The following LINGO2 variants were observed in gnomAD, a reference collection of about 807,000 sequenced individuals.
The protein encoded by LINGO2 is leucine-rich repeat and immunoglobulin-like domain-containing nogo receptor-interacting protein 2.
In LINGO2, 14 loss-of-function variants were observed where a neutral mutation model predicts 30.6. The ratio of observed to expected loss-of-function variants is 0.46; its 90% confidence interval spans 0.30 to 0.72. LINGO2 has a LOEUF of 0.72. LINGO2 is among the 30% of genes least tolerant of loss of function. LINGO2 has a pLI of 0.07. For synonymous variants in LINGO2, 317 were observed against 288.5 expected (o/e 1.10, Z -1.00); for missense variants, 729 against 751.7 (o/e 0.97, Z 0.35).
chr9:28,642,026 G>A lies in LINGO2; in HGVS notation c.-365+28174C>T, dbSNP rs577562332. On this transcript the variant is annotated intron_variant, in intron 1 of 5. Coordinates refer to ENST00000379992, the Ensembl canonical transcript of LINGO2. ...TTATAATACTCTGTTTTTTTTTTTA[G>A]CTAGCTAAAGCATTTCCTTACATTT... is the stretch of plus-strand genomic sequence containing the variant. 8.1e-4 allele frequency among the ~76,000 whole-genome samples: 118 copies of A among 145,596 alleles called. 1 individual carries two copies. Among genetic ancestry groups the A allele is most frequent in the Non-Finnish European group, 1.5e-3 (101 of 66,474 alleles).
At chr9:28,632,969 A>T (rs1827072371) in intron 1 of LINGO2, among the ~76,000 whole-genome samples, 1 of 148,954 alleles carries the variant, frequency 6.7e-6, no homozygotes, top group African/African-American at 2.5e-5. Flanking sequence ...GGTTGTCTGC[A>T]AGCTGAGGAA....
chr9:28,379,445 C>T (rs1821256056), intron 2 of LINGO2, among the ~76,000 whole-genome samples: 1 of 152,076 alleles, frequency 6.6e-6, no homozygotes, highest in Non-Finnish European at 1.5e-5. Flanking sequence ...AGGATTTAGT[C>T]TATACTCTGC....
chr9:28,519,489 G>A (rs1022491487), intron 1 of LINGO2, among the ~76,000 whole-genome samples: 2 of 152,104 alleles, frequency 1.3e-5, no homozygotes, highest in Non-Finnish European at 2.9e-5. Flanking sequence ...AGATGTTAAA[G>A]CATATATAGA....
the LINGO2 span, among the ~76,000 whole-genome samples, chr9:29,132,308 A>G: frequency 2.0e-5 from 3 of 152,122 alleles, no homozygotes; most frequent in Non-Finnish European, 2.9e-5. Context: ...GGAAAACTCC[A>G]ACTTTCCACG....
At chr9:28,479,850 T>C (rs902486895) in intron 1 of LINGO2, among the ~76,000 whole-genome samples, 92 of 50,568 alleles carry the variant, frequency 1.8e-3, no homozygotes, top group East Asian at 5.1e-3. Flanking sequence ...GTCATCTGTG[T>C]GTGTGTGTGT....
intron 4 of LINGO2, among the ~76,000 whole-genome samples, chr9:28,037,104 A>C (rs1405537164): frequency 6.6e-6 from 1 of 152,232 alleles, no homozygotes; most frequent in Non-Finnish European, 1.5e-5. Context: ...GAGTTCAAGC[A>C]GTCAATTCAA....
intron 4 of LINGO2, among the ~76,000 whole-genome samples, chr9:28,082,744 C>T (rs904238091): frequency 3.9e-5 from 6 of 152,078 alleles, no homozygotes; most frequent in African/African-American, 9.7e-5. Flanking sequence ...TCTCACTGTC[C>T]TTCCCTCTCT....
the LINGO2 span, among the ~76,000 whole-genome samples, chr9:29,174,771 T>G: frequency 6.8e-4 from 103 of 152,320 alleles, no homozygotes; most frequent in African/African-American, 2.3e-3. Context: ...TAAATACATG[T>G]CAGGATGTAA....
chr9:28,790,311 C>A, the LINGO2 span, among the ~76,000 whole-genome samples: 3 of 135,594 alleles, frequency 2.2e-5, no homozygotes, highest in African/African-American at 8.7e-5. Context: ...CTTTACCCAT[C>A]TTTTCTTTTC....
chr9:28,884,608 G>A, the LINGO2 span, among the ~76,000 whole-genome samples: 1 of 150,666 alleles, frequency 6.6e-6, no homozygotes, highest in Admixed American at 6.7e-5. Flanking sequence ...ATTGTAAGTT[G>A]ACTGTGTTTA....
chr9:28,211,489 C>T (rs117828793), intron 4 of LINGO2, among the ~76,000 whole-genome samples: 3,180 of 151,406 alleles, frequency 0.021, 53 homozygotes, highest in Non-Finnish European at 0.033. Flanking sequence ...CTCTTGTGAT[C>T]AGGCCTTTTT....
intron 4 of LINGO2, among the ~76,000 whole-genome samples, chr9:28,222,333 T>C (rs929053321): frequency 2.0e-5 from 3 of 152,198 alleles, no homozygotes; most frequent in African/African-American, 7.2e-5. Flanking sequence ...TCAGGTATTA[T>C]ATGACATTGT....
chr9:28,249,756 C>T (rs1169965455), intron 4 of LINGO2, among the ~76,000 whole-genome samples: 11 of 152,114 alleles, frequency 7.2e-5, no homozygotes. Flanking sequence ...AATGAGTTAT[C>T]ATTCTTTTAG....
chr9:28,491,593 T>C (rs903695415), intron 1 of LINGO2, among the ~76,000 whole-genome samples: 2 of 152,226 alleles, frequency 1.3e-5, no homozygotes, highest in African/African-American at 4.8e-5. Flanking sequence ...TTAACTATGT[T>C]TTTGTATTAA....
the LINGO2 span, among the ~76,000 whole-genome samples, chr9:29,205,897 C>T: frequency 6.6e-6 from 1 of 152,188 alleles, no homozygotes; most frequent in Non-Finnish European, 1.5e-5. Flanking sequence ...TCACCAACCC[C>T]ACTGCCAGTG....
intron 2 of LINGO2, among the ~76,000 whole-genome samples, chr9:28,413,463 C>A (rs16912921): frequency 0.3 from 45,757 of 151,906 alleles, 7,175 homozygotes; most frequent in Non-Finnish European, 0.32. Context: ...AAGTGATATG[C>A]GAACTCTATA....
intron 2 of LINGO2, among the ~76,000 whole-genome samples, chr9:28,385,425 G>A (rs1821538804): frequency 6.6e-6 from 1 of 152,156 alleles, no homozygotes; most frequent in Admixed American, 6.6e-5. Flanking sequence ...AATCAGGTGT[G>A]TCAGTGGGGA....
chr9:28,710,278 A>C, the LINGO2 span, among the ~76,000 whole-genome samples: 2 of 151,980 alleles, frequency 1.3e-5, no homozygotes, highest in Non-Finnish European at 2.9e-5. Context: ...CCCTTACCAG[A>C]TGCCAAATCT....
chr9:28,741,879 G>A, the LINGO2 span, among the ~76,000 whole-genome samples: 2 of 151,910 alleles, frequency 1.3e-5, 1 homozygote, highest in Non-Finnish European at 2.9e-5. Flanking sequence ...TGAAGCCTGG[G>A]GCCTTGGGTT....
Sources: gnomAD v4.1 joint callset for allele counts (sites outside exome capture counted in the v4.1 genomes callset) on GRCh38, gnomAD v4.1.1 for gene constraint, MANE v1.5 for transcripts, NCBI Gene and HGNC (gene_info 2026-07-23, HGNC 2026-07-21) for gene names.